The following SIPA1L1 variants were observed in gnomAD, a reference collection of about 807,000 sequenced individuals.
SIPA1L1 encodes the protein signal induced proliferation associated 1 like 1, also known as signal-induced proliferation-associated 1-like protein 1.
A neutral mutation model predicts 162.7 loss-of-function variants in SIPA1L1; 26 were observed. The ratio of observed to expected loss-of-function variants is 0.16; its 90% CI spans 0.12 to 0.22. The LOEUF (loss-of-function observed/expected upper bound fraction) is 0.22. Ranked by LOEUF, SIPA1L1 falls within the 10% of genes least tolerant of loss-of-function variation. The probability of loss-of-function intolerance (pLI) is 1.00; values close to 1 mark genes in which losing one functional copy is unlikely to be tolerated. For missense variants in SIPA1L1, 1,874 were observed against 2,241.0 expected (o/e 0.84, Z 3.31); for synonymous variants, 829 against 837.4 (o/e 0.99, Z 0.17).
rs560306117 is a variant in SIPA1L1 at position 71,522,668 on chromosome 14, A to G, written c.-361-6644A>G. ...GGCAGATTTTAGGTCTATTCACTCT[A>G]TCATCTAAGCTTCTTAATTTCTCTC... On this transcript the variant is annotated intron_variant, in intron 3 of 23. Transcript: ENST00000381232. Among the ~76,000 whole-genome samples, 8 of 149,946 alleles carry G rather than the reference A, an allele frequency of 5.3e-5. No homozygotes were observed. The South Asian group carries it at 6.3e-4, about 12-fold the overall frequency.
Position 71,642,919 on chromosome 14 carries a change from G to A in SIPA1L1, c.1819-7416G>A, listed in dbSNP as rs375897955. Among the ~76,000 whole-genome samples the A allele has an allele frequency of 8.1e-5, 12 of 147,660 alleles. No individual in the cohort carries two copies. The South Asian group carries it at 1.9e-3, about 23-fold the overall frequency. On this transcript the variant is annotated intron_variant, in intron 7 of 23. Coordinates refer to ENST00000381232, the MANE Select transcript of SIPA1L1 (RefSeq NM_001386936.1). ...AATTAACAGCAGATTAGACATTGTCGAAGAAAGGATTAGTGAACTTGATGA... is the reference window on the plus strand; with the variant it reads ...AATTAACAGCAGATTAGACATTGTCAAAGAAAGGATTAGTGAACTTGATGA...
intron 5 of SIPA1L1, among the ~76,000 whole-genome samples, chr14:71,615,417 AG>A (rs1567317404): frequency 1.3e-5 from 2 of 152,208 alleles, no homozygotes; most frequent in African/African-American, 4.8e-5. Flanking sequence ...GTCATCTGGC[AG>A]GGTGAATTAA....
intron 2 of SIPA1L1, among the ~76,000 whole-genome samples, chr14:71,400,414 T>G (rs1020778490): frequency 4.6e-5 from 7 of 152,130 alleles, no homozygotes; most frequent in African/African-American, 1.7e-4. Context: ...ATTTTTTATT[T>G]TTTTATCCTA....
chr14:71,440,984 T>A (rs995113267), intron 2 of SIPA1L1, among the ~76,000 whole-genome samples: 5 of 152,240 alleles, frequency 3.3e-5, no homozygotes, highest in Non-Finnish European at 5.9e-5. Flanking sequence ...TTCTAAGTTC[T>A]TTAAAAGATA....
chr14:71,393,742 G>A (rs1052825702), intron 2 of SIPA1L1, among the ~76,000 whole-genome samples: 5 of 152,160 alleles, frequency 3.3e-5, no homozygotes, highest in African/African-American at 1.2e-4. Context: ...GATTACTTGA[G>A]TCTGTGAGGT....
chr14:71,647,714 G>A (rs1177957866), intron 7 of SIPA1L1, among the ~76,000 whole-genome samples: 5 of 152,052 alleles, frequency 3.3e-5, no homozygotes, highest in African/African-American at 9.7e-5. Context: ...AATAGACATC[G>A]AGACTATCTC....
At chr14:71,714,351 C>T (rs2083101433) in intron 17 of SIPA1L1, among the ~76,000 whole-genome samples, 1 of 152,212 alleles carries the variant, frequency 6.6e-6, no homozygotes, top group South Asian at 2.1e-4. Flanking sequence ...ATCTCACCAA[C>T]AAAACATTTT....
chr14:71,621,848 C>G (rs1596469580), intron 6 of SIPA1L1, among the ~76,000 whole-genome samples: 1 of 152,142 alleles, frequency 6.6e-6, no homozygotes, highest in African/African-American at 2.4e-5. Context: ...TTCCTTTCTT[C>G]CTTCCTCCCG....
chr14:71,696,595 C>G (rs994024228), intron 13 of SIPA1L1, among the ~76,000 whole-genome samples: 1 of 152,218 alleles, frequency 6.6e-6, no homozygotes, highest in African/African-American at 2.4e-5. Context: ...GGGCATCTGA[C>G]ATAACTATGG....
intron 2 of SIPA1L1, among the ~76,000 whole-genome samples, chr14:71,459,137 G>T (rs1376814485): frequency 6.6e-6 from 1 of 151,864 alleles, no homozygotes; most frequent in Non-Finnish European, 1.5e-5. Flanking sequence ...GAAGGTGTTT[G>T]GTATGTGCTA....
intron 4 of SIPA1L1, among the ~76,000 whole-genome samples, chr14:71,564,186 C>T (rs1039893662): frequency 5.3e-5 from 8 of 152,022 alleles, no homozygotes; most frequent in Non-Finnish European, 1.2e-4. Flanking sequence ...TGGGCTCAAT[C>T]GATCCTCTTG....
intron 4 of SIPA1L1, among the ~76,000 whole-genome samples, chr14:71,547,513 C>T (rs944731470): frequency 3.9e-5 from 6 of 151,940 alleles, no homozygotes; most frequent in Non-Finnish European, 5.9e-5. Flanking sequence ...AGGCTGGTCT[C>T]GAACTCCGTA....
At chr14:71,687,680 T>C (rs997771897) in intron 13 of SIPA1L1, among the ~76,000 whole-genome samples, 2 of 152,240 alleles carry the variant, frequency 1.3e-5, no homozygotes, top group East Asian at 1.9e-4. Context: ...TGCTAGAGAA[T>C]GCAGAACTCC....
At chr14:71,544,092 C>A (rs560183000) in intron 4 of SIPA1L1, among the ~76,000 whole-genome samples, 6 of 148,972 alleles carry the variant, frequency 4.0e-5, no homozygotes, top group African/African-American at 9.9e-5. Flanking sequence ...TATGTATATA[C>A]ACACGCACAT....
intron 2 of SIPA1L1, among the ~76,000 whole-genome samples, chr14:71,363,195 A>G (rs2037973994): frequency 6.6e-6 from 1 of 152,196 alleles, no homozygotes; most frequent in Non-Finnish European, 1.5e-5. Context: ...GCTTAAAGAC[A>G]TGGATGGTTT....
At chr14:71,620,131 G>A (rs1251612542) in intron 6 of SIPA1L1, among the ~76,000 whole-genome samples, 3 of 152,292 alleles carry the variant, frequency 2.0e-5, no homozygotes, top group East Asian at 1.9e-4. Context: ...GTGCAATGGC[G>A]CGATCTTGGC....
intron 2 of SIPA1L1, among the ~76,000 whole-genome samples, chr14:71,445,634 A>T (rs1468434261): frequency 6.6e-6 from 1 of 152,170 alleles, no homozygotes; most frequent in African/African-American, 2.4e-5. Flanking sequence ...TTACACAATT[A>T]TCTCTCAAAT....
rs575330637 is a variant in SIPA1L1, at chr14:71,702,329, C to G, written c.3522-52C>G. 3.1e-4 allele frequency: 499 copies of G among 1,603,928 alleles called. 4 individuals carry two copies. In the South Asian group the frequency reaches 3.4e-3, roughly 11 times the overall value. On this transcript the variant is annotated intron_variant, in intron 14 of 23. Coordinates refer to ENST00000381232, the MANE Select transcript of SIPA1L1 (RefSeq NM_001386936.1). ...TCATTACACCCAGGACTGCCTTCCCCTCATGGGTAAGGTCCCTGATGTTGT... is the reference window on the plus strand; with the variant it reads ...TCATTACACCCAGGACTGCCTTCCCGTCATGGGTAAGGTCCCTGATGTTGT...
rs376205363 is a variant in SIPA1L1 at position 71,515,401 on chromosome 14, G to T, written c.-362+2556G>T. ...AGCAATTCATTTTTTCTGTTAACCTGTATAATTGCTTCTTACATAAGTAAA... is the reference window on the plus strand; with the variant it reads ...AGCAATTCATTTTTTCTGTTAACCTTTATAATTGCTTCTTACATAAGTAAA... On this transcript the variant is annotated intron_variant, in intron 3 of 23. Transcript: ENST00000381232. Among the ~76,000 whole-genome samples the T allele has an allele frequency of 3.3e-5, 5 of 152,234 alleles. No homozygotes were observed. The South Asian group carries it at 1.0e-3, about 32-fold the overall frequency.
Sources: allele counts gnomAD v4.1 joint callset (sites outside exome capture counted in the v4.1 genomes callset), GRCh38; gene constraint gnomAD v4.1.1; transcripts MANE v1.5; gene names NCBI Gene and HGNC (gene_info 2026-07-23, HGNC 2026-07-21).